Variants in PLXDC2 observed in about 807,000 individuals in gnomAD.
The protein encoded by PLXDC2 is plexin domain-containing protein 2.
PLXDC2 carries 40 observed loss-of-function variants against 68.9 expected under a neutral mutation model. That is an observed-to-expected ratio of 0.58 (90% CI 0.45 to 0.76). The LOEUF (loss-of-function observed/expected upper bound fraction) is 0.76. Among genes scored for constraint, PLXDC2 ranks in the 30% least tolerant of loss-of-function variants. PLXDC2 has a pLI of 0.00. For missense variants in PLXDC2, 644 were observed against 661.9 expected, an observed-to-expected ratio of 0.97 and a Z score of 0.30; for synonymous variants, 243 against 234.2, an observed-to-expected ratio of 1.04 and a Z score of -0.34.
intron 1 of PLXDC2, among the ~76,000 whole-genome samples, chr10:19,875,354 G>A (rs745758101): frequency 6.6e-6 from 1 of 152,164 alleles, no homozygotes; most frequent in African/African-American, 2.4e-5. Context: ...TGAGCATCAT[G>A]GATGTAATAG....
At chr10:19,889,198 A>G (rs1837903262) in intron 1 of PLXDC2, among the ~76,000 whole-genome samples, 1 of 152,176 alleles carries the variant, frequency 6.6e-6, no homozygotes, top group African/African-American at 2.4e-5. Context: ...ACATCCCAAC[A>G]TCCCATTTTA....
rs1215209123 is a variant in PLXDC2 at position 19,863,333 on chromosome 10, C to G, written c.112+46142C>G. 2.0e-5 allele frequency among the ~76,000 whole-genome samples: 3 copies of G among 152,180 alleles called. No individual in the cohort carries two copies. The East Asian group carries it at 5.8e-4, about 29-fold the overall frequency. ...TTTAGTTCTGGGAATTGTTCAGAAACAGCTGCCGGCTGACATTATGTTCTA... is the reference window on the plus strand; with the variant it reads ...TTTAGTTCTGGGAATTGTTCAGAAAGAGCTGCCGGCTGACATTATGTTCTA... On this transcript the variant is annotated intron_variant, in intron 1 of 13. Coordinates refer to ENST00000377252, the MANE Select transcript of PLXDC2 (RefSeq NM_032812.9).
intron 4 of PLXDC2, among the ~76,000 whole-genome samples, chr10:20,083,216 C>T (rs1361934801): frequency 5.9e-5 from 9 of 152,046 alleles, no homozygotes; most frequent in Non-Finnish European, 1.3e-4. Context: ...TGGCTCACAC[C>T]TGTAATCCCA....
chr10:20,191,005 T>C (rs1391435866), intron 9 of PLXDC2, among the ~76,000 whole-genome samples: 1 of 152,014 alleles, frequency 6.6e-6, no homozygotes, highest in African/African-American at 2.4e-5. Context: ...GATGCAATCT[T>C]ACCCGTTAAG....
intron 1 of PLXDC2, among the ~76,000 whole-genome samples, chr10:19,958,772 GT>G (rs1834110534): frequency 6.6e-6 from 1 of 152,164 alleles, no homozygotes; most frequent in Non-Finnish European, 1.5e-5. Context: ...AAATAATTGT[GT>G]TTAAATCTAT....
intron 7 of PLXDC2, among the ~76,000 whole-genome samples, chr10:20,165,456 G>C (rs1834362115): frequency 2.0e-5 from 3 of 151,530 alleles, no homozygotes; most frequent in Admixed American, 2.0e-4. Flanking sequence ...AGTCCCCAGA[G>C]TATGATGTTC....
intron 7 of PLXDC2, among the ~76,000 whole-genome samples, chr10:20,176,033 G>T (rs1294608998): frequency 6.6e-6 from 1 of 151,972 alleles, no homozygotes; most frequent in Admixed American, 6.6e-5. Flanking sequence ...GTTTTGTTGT[G>T]GTTTGATGTT....
intron 1 of PLXDC2, among the ~76,000 whole-genome samples, chr10:19,895,146 A>G (rs1354844013): frequency 6.6e-6 from 1 of 152,210 alleles, no homozygotes; most frequent in Non-Finnish European, 1.5e-5. Flanking sequence ...ATGAAACTGA[A>G]CTACTTTTCT....
chr10:20,049,880 C>G (rs1164512040), intron 3 of PLXDC2, among the ~76,000 whole-genome samples: 1 of 151,994 alleles, frequency 6.6e-6, no homozygotes, highest in East Asian at 1.9e-4. Context: ...CATATGGAAC[C>G]AAAAAAGAGC....
chr10:20,201,481 T>C (rs1424177056), intron 9 of PLXDC2, among the ~76,000 whole-genome samples: 1 of 151,948 alleles, frequency 6.6e-6, no homozygotes, highest in African/African-American at 2.4e-5. Context: ...TGTTCTATTT[T>C]ATATACAGTA....
intron 6 of PLXDC2, among the ~76,000 whole-genome samples, chr10:20,155,283 A>G (rs1254357749): frequency 6.6e-6 from 1 of 152,206 alleles, no homozygotes; most frequent in African/African-American, 2.4e-5. Context: ...GAACTTGTAG[A>G]ATTTATAGAA....
At position 19,871,902 on chromosome 10, in the gene PLXDC2, C is replaced by A. The variant is rs908458569; in HGVS notation, c.112+54711C>A. Among the ~76,000 whole-genome samples, 224 of 147,578 alleles carry A rather than the reference C, an allele frequency of 1.5e-3. 1 individual carries two copies. The highest frequency in any genetic ancestry group is 3.7e-3 in the Middle Eastern group (1 of 272). ...ACTGTCAAAAAAAAAAAAAAAAACA[C>A]AAAAAACTTACATTGTTTACCATAT... On this transcript the variant is annotated intron_variant, in intron 1 of 13. Coordinates refer to ENST00000377252, the MANE Select transcript of PLXDC2 (RefSeq NM_032812.9).
rs968276560 is a variant in PLXDC2 at position 20,284,199 on chromosome 10, C to G, written c.*4380C>G. Reference sequence around the variant, plus strand: ...ATTTCTTTAGGTATTTTCCAAGTTACTGCTGCTTTTACTTCACGACCTCCA... The same window carrying G: ...ATTTCTTTAGGTATTTTCCAAGTTAGTGCTGCTTTTACTTCACGACCTCCA... On this transcript the variant is annotated 3_prime_UTR_variant, in exon 14 of 14. Transcript: ENST00000377252. 6.6e-6 allele frequency: 1 copy of G among 151,686 alleles called. No homozygotes were observed. The highest frequency in any genetic ancestry group is 2.4e-5 in the African/African-American group (1 of 41,286). The allele number at this position is 151,686 out of a possible 1,614,324, so 9.4% of individuals were successfully genotyped here.
chr10:20,191,839 T>C (rs2131839693), intron 9 of PLXDC2, among the ~76,000 whole-genome samples: 1 of 152,028 alleles, frequency 6.6e-6, no homozygotes, highest in African/African-American at 2.4e-5. Context: ...AAATAAAAAA[T>C]CACAGGGGCT....
chr10:19,913,246 C>T (rs1481169763), intron 1 of PLXDC2, among the ~76,000 whole-genome samples: 1 of 152,014 alleles, frequency 6.6e-6, no homozygotes, highest in Non-Finnish European at 1.5e-5. Flanking sequence ...TGCTGCTGTT[C>T]TTGTGATAGA....
At chr10:20,175,884 C>T (rs1019972091) in intron 7 of PLXDC2, among the ~76,000 whole-genome samples, 6 of 151,990 alleles carry the variant, frequency 3.9e-5, no homozygotes, top group South Asian at 2.1e-4. Context: ...GGTGTTATTC[C>T]GGAAATGCAT....
At chr10:19,846,031 T>G (rs1488260139) in intron 1 of PLXDC2, among the ~76,000 whole-genome samples, 3 of 152,194 alleles carry the variant, frequency 2.0e-5, no homozygotes, top group Non-Finnish European at 4.4e-5. Context: ...GGCTATTTAT[T>G]TAATTCCTTC....
intron 10 of PLXDC2, among the ~76,000 whole-genome samples, chr10:20,216,679 C>A (rs1835142428): frequency 6.6e-6 from 1 of 152,086 alleles, no homozygotes; most frequent in East Asian, 1.9e-4. Flanking sequence ...CACTGCGGCA[C>A]AAAAGGTGGA....
At chr10:19,822,324 G>A (rs1335018069) in intron 1 of PLXDC2, among the ~76,000 whole-genome samples, 5 of 150,766 alleles carry the variant, frequency 3.3e-5, no homozygotes, top group Non-Finnish European at 7.4e-5. Context: ...TATATGGAAT[G>A]TATATGCACT....
Sources: allele counts gnomAD v4.1 joint callset (sites outside exome capture counted in the v4.1 genomes callset), GRCh38; gene constraint gnomAD v4.1.1; transcripts MANE v1.5; gene names NCBI Gene and HGNC (gene_info 2026-07-23, HGNC 2026-07-21).